The following EYS variants were observed in gnomAD, a reference collection of about 807,000 sequenced individuals.
EYS encodes EGF-like photoreceptor maintenance factor.
In EYS, 250 loss-of-function variants were observed where a neutral mutation model predicts 282.1. The observed-to-expected ratio is 0.89, with a 90% CI of 0.80 to 0.98. EYS has a LOEUF of 0.98. EYS is among the 50% of genes least tolerant of loss of function. The pLI is 0.00. For missense variants in EYS, 4,016 were observed against 3,709.0 expected (o/e 1.08, Z -2.15); for synonymous variants, 1,355 against 1,282.9 (o/e 1.06, Z -1.20).
At chr6:65,151,109 G>T (rs538900668) in intron 12 of EYS, among the ~76,000 whole-genome samples, 4 of 151,770 alleles carry the variant, frequency 2.6e-5, no homozygotes, top group African/African-American at 9.7e-5. Context: ...TTTTGACAAT[G>T]ATTACATAAA....
intron 14 of EYS, among the ~76,000 whole-genome samples, chr6:64,987,895 T>C (rs1019180381): frequency 2.6e-5 from 4 of 151,592 alleles, no homozygotes; most frequent in African/African-American, 9.7e-5. Flanking sequence ...AAATTCATTT[T>C]CATATTTAAT....
rs541518681 is a variant in EYS, at chr6:64,129,310, G to A, written c.6425-47308C>T. ...GTTGTTTCCTGACATTTTAATGATC[G>A]TCATTCTAACTGGTGTGAGATGGTG... is the stretch of plus-strand genomic sequence containing the variant. On this transcript the variant is annotated intron_variant, in intron 31 of 42. Transcript: ENST00000503581. Among the ~76,000 whole-genome samples the A allele has an allele frequency of 2.0e-4, 30 of 152,122 alleles. No individual in the cohort carries two copies. In the Middle Eastern group the frequency reaches 0.01, roughly 52 times the overall value.
At chr6:65,447,387 A>G (rs910277735) in intron 5 of EYS, among the ~76,000 whole-genome samples, 57 of 146,354 alleles carry the variant, frequency 3.9e-4, no homozygotes, top group Non-Finnish European at 7.5e-4. Flanking sequence ...TATGTATATA[A>G]TTATATATAT....
intron 31 of EYS, among the ~76,000 whole-genome samples, chr6:64,118,771 T>G (rs1273791392): frequency 6.6e-6 from 1 of 152,006 alleles, no homozygotes; most frequent in Non-Finnish European, 1.5e-5. Flanking sequence ...GAGAAAATAT[T>G]TGCAAGTTAT....
rs1768351500 is a variant in EYS at position 63,720,835 on chromosome 6, G to T, written c.9196C>A (p.Leu3066Ile). The T allele has an allele frequency of 3.2e-6, 5 of 1,551,150 alleles. No individual in the cohort carries two copies. The highest frequency in any genetic ancestry group is 4.4e-6 in the Non-Finnish European group (5 of 1,146,652). ...IKAYINNSLI[L>I]SEDIDPHKNF... ...TTATGTGGATCAATATCCTCGGAAA[G>T]AATTAGACTGTTATTTATGTAGGCC... The change falls in exon 43 of 43, where the codon CTT becomes ATT. Residue 3066 changes from leucine to isoleucine, a missense_variant. Transcript: ENST00000503581.
rs562337166 is a variant in EYS, at chr6:65,322,107, G to A, written c.1766+12873C>T. ...AATGTGCTACACTTATGCCAAGAAG[G>A]GATTCTATGCTTACCTAGCAGATAA... On this transcript the variant is annotated intron_variant, in intron 11 of 42. Transcript: ENST00000503581. Among the ~76,000 whole-genome samples the A allele has an allele frequency of 3.9e-5, 6 of 152,246 alleles. No homozygotes were observed. In the South Asian group the frequency reaches 1.2e-3, roughly 32 times the overall value.
intron 32 of EYS, among the ~76,000 whole-genome samples, chr6:64,080,530 T>C (rs1771929443): frequency 6.6e-6 from 1 of 152,204 alleles, no homozygotes; most frequent in African/African-American, 2.4e-5. Flanking sequence ...GATGGTAGTT[T>C]CTTTTGCTGT....
chr6:65,630,560 G>A (rs550198576), intron 2 of EYS, among the ~76,000 whole-genome samples: 28 of 152,170 alleles, frequency 1.8e-4, no homozygotes, highest in Non-Finnish European at 2.5e-4. Flanking sequence ...TAGCAAAACC[G>A]GTATATGTGA....
intron 30 of EYS, among the ~76,000 whole-genome samples, chr6:64,288,603 A>G (rs181272715): frequency 1.3e-5 from 2 of 152,176 alleles, no homozygotes; most frequent in South Asian, 4.1e-4. Context: ...ATCTGGCCTG[A>G]TAACACATCC....
intron 32 of EYS, among the ~76,000 whole-genome samples, chr6:64,071,447 C>T (rs1771571940): frequency 1.3e-5 from 2 of 151,598 alleles, no homozygotes; most frequent in African/African-American, 4.8e-5. Context: ...ATTCCTTATT[C>T]TTTATACATG....
intron 26 of EYS, among the ~76,000 whole-genome samples, chr6:64,541,900 T>G (rs1236773569): frequency 2.0e-5 from 3 of 152,156 alleles, no homozygotes; most frequent in Non-Finnish European, 4.4e-5. Flanking sequence ...TTTTATACGG[T>G]CAGAAACAAG....
intron 2 of EYS, among the ~76,000 whole-genome samples, chr6:65,558,187 T>C (rs960890886): frequency 3.3e-5 from 5 of 152,282 alleles, no homozygotes; most frequent in South Asian, 4.1e-4. Flanking sequence ...GCCCAGGCTG[T>C]CTGTGCCAAG....
At chr6:65,452,851 C>T (rs34606087) in intron 5 of EYS, among the ~76,000 whole-genome samples, 14,972 of 151,952 alleles carry the variant, frequency 0.099, 981 homozygotes, top group South Asian at 0.19. Flanking sequence ...TTGTTGAATA[C>T]AAATATGAAC....
intron 22 of EYS, among the ~76,000 whole-genome samples, chr6:64,707,526 G>A (rs564144801): frequency 5.5e-4 from 84 of 152,052 alleles, no homozygotes; most frequent in African/African-American, 1.6e-3. Context: ...AAAATTAGCC[G>A]GGCGTGGTGG....
At chr6:64,131,571 T>G (rs771942040) in intron 31 of EYS, among the ~76,000 whole-genome samples, 1 of 152,064 alleles carries the variant, frequency 6.6e-6, no homozygotes, top group Admixed American at 6.6e-5. Flanking sequence ...TGTGTGTGTG[T>G]GTTTATAAAA....
chr6:64,940,386 C>CA (rs977293522), intron 15 of EYS, among the ~76,000 whole-genome samples: 2 of 149,938 alleles, frequency 1.3e-5, no homozygotes, highest in East Asian at 2.0e-4. Flanking sequence ...AGCTAAATGC[C>CA]AAAAAAAGGA....
intron 13 of EYS, among the ~76,000 whole-genome samples, chr6:65,033,099 C>G (rs1772654798): frequency 6.6e-6 from 1 of 152,110 alleles, no homozygotes; most frequent in African/African-American, 2.4e-5. Flanking sequence ...TTTAGAATAC[C>G]TGGCAGAGGA....
rs556295063 is a variant in EYS at position 64,790,840 on chromosome 6, T to G, written c.3443+22538A>C. Among the ~76,000 whole-genome samples the G allele has an allele frequency of 2.6e-5, 4 of 152,012 alleles. No individual in the cohort carries two copies. In the South Asian group the frequency reaches 8.3e-4, roughly 31 times the overall value. Reference sequence around the variant, plus strand: ...TGGTACATTATCCAGAAGCATTATTTTTTCTTATTCTTTTTATTTATTTTG... The same window carrying G: ...TGGTACATTATCCAGAAGCATTATTGTTTCTTATTCTTTTTATTTATTTTG... On this transcript the variant is annotated intron_variant, in intron 22 of 42. Transcript: ENST00000503581.
At chr6:63,893,597 G>A (rs1773462382) in intron 35 of EYS, among the ~76,000 whole-genome samples, 1 of 152,026 alleles carries the variant, frequency 6.6e-6, no homozygotes. Flanking sequence ...GCAAGGGGAG[G>A]GATAGCATTA....
Sources: allele counts gnomAD v4.1 joint callset (sites outside exome capture counted in the v4.1 genomes callset), GRCh38; gene constraint gnomAD v4.1.1; transcripts MANE v1.5; gene names NCBI Gene and HGNC (gene_info 2026-07-23, HGNC 2026-07-21).